Variants in RNF17 observed in about 807,000 individuals in gnomAD.
The protein encoded by RNF17 is spermatogenesis associated 23.
In RNF17, 31 loss-of-function variants were observed where a neutral mutation model predicts 200.5. That is an observed-to-expected ratio of 0.15 (90% CI 0.12 to 0.21). RNF17 has a LOEUF of 0.21. Ranked by LOEUF, RNF17 falls within the 10% of genes least tolerant of loss-of-function variation. The pLI, the probability that RNF17 is intolerant of heterozygous loss-of-function variation, is 1.00. For missense variants in RNF17, 1,628 were observed against 1,905.1 expected (o/e 0.85, Z 2.71); for synonymous variants, 606 against 637.8 (o/e 0.95, Z 0.75).
chr13:24,882,942 T>TAAAC (rs974601782), downstream of RNF17: 22 of 523,234 alleles, frequency 4.2e-5, no homozygotes, highest in African/African-American at 1.2e-4. Context: ...ACACAATTTC[T>TAAAC]AAACAGTCAA....
chr13:24,827,724 A>AAAAAAAAC (rs1888884805), intron 16 of RNF17, among the ~76,000 whole-genome samples: 1 of 148,900 alleles, frequency 6.7e-6, no homozygotes, highest in Non-Finnish European at 1.5e-5. Flanking sequence ...AAAACAAAAA[A>AAAAAAAAC]AAAAAAACAA....
At chr13:24,845,737 T>G (rs2138163542) in intron 22 of RNF17, among the ~76,000 whole-genome samples, 1 of 152,288 alleles carries the variant, frequency 6.6e-6, no homozygotes, top group East Asian at 1.9e-4. Context: ...CAGGATGCAG[T>G]TCTTATATGA....
chr13:24,782,248 T>TC (rs1358397641), intron 6 of RNF17, among the ~76,000 whole-genome samples: 4 of 152,234 alleles, frequency 2.6e-5, no homozygotes, highest in Admixed American at 1.3e-4. Flanking sequence ...TGATAATAGC[T>TC]CACTGCAGCC....
the RNF17 span, among the ~76,000 whole-genome samples, chr13:24,758,340 G>C: frequency 2.0e-5 from 3 of 152,076 alleles, no homozygotes; most frequent in East Asian, 1.9e-4. Flanking sequence ...ATTGTTCCAT[G>C]CGTTATCATG....
At chr13:24,887,716 A>G in the RNF17 span, among the ~76,000 whole-genome samples, 1 of 152,202 alleles carries the variant, frequency 6.6e-6, no homozygotes, top group Non-Finnish European at 1.5e-5. Flanking sequence ...TGTGGTGCTG[A>G]ATCATCCCAA....
At chr13:24,836,646 A>G (rs549536253) in intron 18 of RNF17, among the ~76,000 whole-genome samples, 255 of 152,324 alleles carry the variant, frequency 1.7e-3, no homozygotes, top group African/African-American at 5.7e-3. Flanking sequence ...TCTTTTTCAG[A>G]CAAACAAAGG....
At chr13:24,883,186 C>T (rs769814499), downstream of RNF17, 3 of 1,613,714 alleles carry the variant, frequency 1.9e-6, no homozygotes, top group Middle Eastern at 1.6e-4. Context: ...GTCACAGCTC[C>T]GTGTCCATTA....
At chr13:24,831,402 A>G (rs1317946138) in intron 17 of RNF17, among the ~76,000 whole-genome samples, 1 of 152,180 alleles carries the variant, frequency 6.6e-6, no homozygotes, top group Non-Finnish European at 1.5e-5. Flanking sequence ...AGATCATGCC[A>G]TTGCCCTCTA....
chr13:24,852,418 G>A (rs999209699), intron 24 of RNF17, among the ~76,000 whole-genome samples: 4 of 152,112 alleles, frequency 2.6e-5, no homozygotes, highest in Non-Finnish European at 4.4e-5. Context: ...GATTACAGGT[G>A]TGAGCCACCA....
chr13:24,774,732 A>G, intron 2 of RNF17, 81 bp from the exon 3 acceptor site: 1 of 731,388 alleles, frequency 1.4e-6, no homozygotes, highest in East Asian at 2.7e-5. Context: ...TATGAATAGC[A>G]CACTTAAATA....
At chr13:24,756,475 C>T in the RNF17 span, among the ~76,000 whole-genome samples, 2 of 151,366 alleles carry the variant, frequency 1.3e-5, no homozygotes, top group African/African-American at 4.8e-5. Context: ...GAAGTCATAG[C>T]GAATCCCGAA....
At chr13:24,869,062 G>T (rs189641710) in intron 31 of RNF17, among the ~76,000 whole-genome samples, 1 of 152,112 alleles carries the variant, frequency 6.6e-6, no homozygotes, top group East Asian at 1.9e-4. Flanking sequence ...TAACCACCTG[G>T]CTGACACCGT....
intron 1 of RNF17, 192 bp downstream of exon 1, chr13:24,764,525 C>T: frequency 2.7e-6 from 1 of 376,864 alleles, no homozygotes; most frequent in Non-Finnish European, 3.7e-6. Flanking sequence ...AAGGGCAGCA[C>T]CTGCGCCTGT....
chr13:24,882,963 TTAGTCTATTGA>T, downstream of RNF17: 1 of 565,396 alleles, frequency 1.8e-6, no homozygotes, highest in Non-Finnish European at 3.2e-6. Context: ...AATGCTTTCC[TTAGTCTATTGA>T]AAGACAGGGT....
At chr13:24,841,686 C>T (rs570738808) in intron 18 of RNF17, among the ~76,000 whole-genome samples, 2 of 151,930 alleles carry the variant, frequency 1.3e-5, no homozygotes, top group Non-Finnish European at 2.9e-5. Flanking sequence ...AGGCTGGGTG[C>T]GGTGGCTCAG....
Position 24,789,397 on chromosome 13 carries a change from G to T in RNF17, c.833G>T (p.Ser278Ile). ...TCAGATAGTGAATTAGCACAAGTTA[G>T]TTCTCCACAACTAAGGAACCCTCCC... ...LTSDSELAQV[S>I]SPQLRNPPRL... is the part of the protein sequence containing the mutation. The change falls in exon 8 of 36, where the codon AGT becomes ATT. Residue 278 changes from serine to isoleucine, a missense_variant. Physicochemically the swap from Ser to Ile is moderately radical, Grantham distance 142. Around this residue, in one of 5 missense-constraint regions of RNF17, gnomAD observed 502 missense variants for 501.7 expected, o/e 1.00. Coordinates refer to ENST00000255324, the MANE Select transcript of RNF17 (RefSeq NM_031277.3). 6.2e-7 allele frequency: 1 copy of T among 1,605,334 alleles called. No individual in the cohort carries two copies. The highest frequency in any genetic ancestry group is 8.5e-7 in the Non-Finnish European group (1 of 1,173,574).
At chr13:24,852,411 T>A (rs1375716290) in intron 24 of RNF17, among the ~76,000 whole-genome samples, 1 of 152,152 alleles carries the variant, frequency 6.6e-6, no homozygotes, top group Non-Finnish European at 1.5e-5. Context: ...GTGCTGGGAT[T>A]ACAGGTGTGA....
chr13:24,793,378 A>T, intron 10 of RNF17, 32 bp downstream of exon 10: 1 of 1,532,796 alleles, frequency 6.5e-7, no homozygotes, highest in Non-Finnish European at 8.7e-7. Context: ...GAGGGGAAAG[A>T]TCTTGTATCT....
rs544801700 is a variant in RNF17 at position 24,796,220 on chromosome 13, A to G, written c.1324A>G (p.Lys442Glu). Residue 442 changes from lysine (K) to glutamate (E), a missense_variant, in exon 11 of 36, where the codon AAA becomes GAA. Around this residue, in one of 5 missense-constraint regions of RNF17, gnomAD observed 289 missense variants for 384.9 expected, o/e 0.75. Coordinates refer to ENST00000255324, the MANE Select transcript of RNF17 (RefSeq NM_031277.3). ...IRKYSQIKDA[K>E]VLEKKVNEFC... ...GAAGTATTCACAAATAAAAGACGCCAAAGTACTGGAGAAGAAGGTGAATGA... is the reference window on the plus strand; with the variant it reads ...GAAGTATTCACAAATAAAAGACGCCGAAGTACTGGAGAAGAAGGTGAATGA... The G allele has an allele frequency of 3.7e-6, 6 of 1,612,630 alleles. No individual in the cohort carries two copies. The highest frequency in any genetic ancestry group is 5.1e-6 in the Non-Finnish European group (6 of 1,179,062).
Sources: gnomAD v4.1 joint callset for allele counts (sites outside exome capture counted in the v4.1 genomes callset) on GRCh38, gnomAD v4.1.1 for gene constraint, gnomAD v4.1.1 regional missense constraint, MANE v1.5 for transcripts, NCBI Gene and HGNC (gene_info 2026-07-23, HGNC 2026-07-21) for gene names.